The following PARPBP variants were observed in gnomAD, a reference collection of about 807,000 sequenced individuals.
The protein encoded by PARPBP is PCNA-interacting partner.
In PARPBP, 52 loss-of-function variants were observed where a neutral mutation model predicts 50.0. That is an observed-to-expected ratio of 1.04 (90% confidence interval 0.83 to 1.31). The LOEUF (loss-of-function observed/expected upper bound fraction) is 1.31, where lower values mean the gene tolerates loss of function less well. Among genes scored for constraint, PARPBP ranks in the 50% most tolerant of loss-of-function variants. The pLI, the probability that PARPBP is intolerant of heterozygous loss-of-function variation, is 0.00. For missense variants in PARPBP, 697 were observed against 672.0 expected, an observed-to-expected ratio of 1.04 and a Z score of -0.41; for synonymous variants, 244 against 232.1, an observed-to-expected ratio of 1.05 and a Z score of -0.47.
At chr12:102,135,032 A>T (rs938129825) in intron 2 of PARPBP, among the ~76,000 whole-genome samples, 1 of 152,034 alleles carries the variant, frequency 6.6e-6, no homozygotes, top group African/African-American at 2.4e-5. Flanking sequence ...TTTGTTATAA[A>T]TTTTGTTGGT....
At chr12:102,154,377 G>T (rs1486446523) in intron 4 of PARPBP, among the ~76,000 whole-genome samples, 1 of 152,136 alleles carries the variant, frequency 6.6e-6, no homozygotes, top group Non-Finnish European at 1.5e-5. Context: ...CAGGAGTTTG[G>T]ATGATAGGGT....
intron 2 of PARPBP, among the ~76,000 whole-genome samples, chr12:102,125,335 AAAAC>A (rs2038865789): frequency 6.6e-6 from 1 of 152,232 alleles, no homozygotes; most frequent in South Asian, 2.1e-4. Context: ...AAACATACAG[AAAAC>A]AATAAAACAT....
In PARPBP at chr12:102,194,193, CATATA is replaced by C. The variant is rs1232705585; in HGVS notation, c.1264-1113_1264-1109del. Among the ~76,000 whole-genome samples the C allele has an allele frequency of 1.6e-4, 24 of 152,050 alleles. No homozygotes were observed. The East Asian group carries it at 4.4e-3, about 28-fold the overall frequency. On this transcript the variant is annotated intron_variant, in intron 9 of 10. Transcript: ENST00000327680. ...GTGAATTAATGCATCGATCTTTGAA[CATATA>C]ATATATAACTACTGAATATATAAAG...
At chr12:102,180,003 C>A (rs1200571828) in intron 8 of PARPBP, among the ~76,000 whole-genome samples, 1 of 152,138 alleles carries the variant, frequency 6.6e-6, no homozygotes, top group Non-Finnish European at 1.5e-5. Flanking sequence ...AGTATCCTTT[C>A]TCTTCTCTTT....
intron 1 of PARPBP, 167 bp downstream of exon 1, chr12:102,120,453 G>T (rs1471511014): frequency 2.2e-6 from 1 of 456,614 alleles, no homozygotes; most frequent in Admixed American, 2.3e-5. Context: ...TGGGCCTGGG[G>T]GCTGTAGGCG....
chr12:102,128,316 C>T (rs1196293848), intron 2 of PARPBP, among the ~76,000 whole-genome samples: 1 of 152,156 alleles, frequency 6.6e-6, no homozygotes, highest in Non-Finnish European at 1.5e-5. Flanking sequence ...ACTGCAAGCT[C>T]CCCCTCCCGG....
chr12:102,153,858 G>GT lies in PARPBP; in HGVS notation c.388-7dup. 1 of 1,460,094 alleles carries GT rather than the reference G, an allele frequency of 6.8e-7. No homozygotes were observed. The highest frequency in any genetic ancestry group is 9.6e-7 in the Non-Finnish European group (1 of 1,039,906). 90.4% of individuals were successfully genotyped at this position (1,460,094 alleles called of 1,614,324 possible). A position where few individuals can be genotyped will look rare whatever the true frequency, so the allele number is the denominator to read the frequency against. ...TAGCATTTTATTAGTAATACTCTAT[G>GT]TTTTCTACAGAGTCAACTACTGGAT... On this transcript the variant is annotated splice_polypyrimidine_tract_variant and intron_variant, in intron 3 of 10. Transcript: ENST00000327680.
chr12:102,196,094 T>C lies in PARPBP; in HGVS notation c.1543T>C (p.Leu515=). ...NKSSKRKQVD[L]DGENILCDNR... is the part of the protein sequence containing the mutation. ...AAGCTCAAAAAGGAAACAGGTGGAT[T>C]TGGATGGTGAAAATATTCTCTGTGA... The change falls in exon 11 of 11, where the codon TTG becomes CTG. Residue 515 remains leucine, a synonymous_variant. Coordinates refer to ENST00000327680, the MANE Select transcript of PARPBP (RefSeq NM_017915.5). 6.2e-7 allele frequency: 1 copy of C among 1,612,082 alleles called. No homozygotes were observed.
intron 2 of PARPBP, among the ~76,000 whole-genome samples, chr12:102,139,921 C>A (rs1193609051): frequency 1.3e-5 from 2 of 152,330 alleles, no homozygotes; most frequent in Admixed American, 6.5e-5. Flanking sequence ...GGATGTTCAT[C>A]AGGGATATTG....
chr12:102,156,143 T>G (rs182434889), intron 4 of PARPBP, among the ~76,000 whole-genome samples: 1 of 148,916 alleles, frequency 6.7e-6, no homozygotes, highest in African/African-American at 2.5e-5. Context: ...GATAACACCA[T>G]GATCACTCAT....
At chr12:102,154,871 A>T (rs982440673) in intron 4 of PARPBP, 1 of 452,354 alleles carries the variant, frequency 2.2e-6, no homozygotes, top group Non-Finnish European at 4.4e-6. Context: ...AGCACCTTTT[A>T]ATAGGAAGCA....
chr12:102,175,547 G>C lies in PARPBP; in HGVS notation c.886G>C (p.Asp296His). The C allele has an allele frequency of 6.2e-7, 1 of 1,613,318 alleles. No individual in the cohort carries two copies. The highest frequency in any genetic ancestry group is 8.5e-7 in the Non-Finnish European group (1 of 1,179,342). Reference sequence around the variant, plus strand: ...ACTGATTAAAGGCCAAAACAGCAGGGATCCTTTTTGCAAAGCAATAGAGGA... The same window carrying C: ...ACTGATTAAAGGCCAAAACAGCAGGCATCCTTTTTGCAAAGCAATAGAGGA... ...MQLIKGQNSRDPFCKAIEEVA... is the reference protein window; with the variant it reads ...MQLIKGQNSRHPFCKAIEEVA... Residue 296 changes from aspartate to histidine, a missense_variant, in exon 7 of 11, where the codon GAT (aspartate) becomes CAT (histidine). Coordinates refer to ENST00000327680, the MANE Select transcript of PARPBP (RefSeq NM_017915.5).
At chr12:102,129,296 A>AT (rs900833770) in intron 2 of PARPBP, among the ~76,000 whole-genome samples, 114 of 145,558 alleles carry the variant, frequency 7.8e-4, no homozygotes, top group Non-Finnish European at 8.5e-4. Context: ...TCTTTTGCCC[A>AT]TTTTTTTTTT....
At chr12:102,148,627 A>G in intron 3 of PARPBP, 164 bp downstream of exon 3, 1 of 453,950 alleles carries the variant, frequency 2.2e-6, no homozygotes. Context: ...ATTACTTGAA[A>G]GAAAGATTTT....
intron 2 of PARPBP, among the ~76,000 whole-genome samples, chr12:102,138,276 T>C (rs924364579): frequency 6.6e-6 from 1 of 152,236 alleles, no homozygotes; most frequent in South Asian, 2.1e-4. Flanking sequence ...CATTTTTTCT[T>C]GTGTCTTTTG....
At chr12:102,141,874 TC>T (rs763416092) in intron 2 of PARPBP, among the ~76,000 whole-genome samples, 9 of 152,234 alleles carry the variant, frequency 5.9e-5, no homozygotes, top group Non-Finnish European at 1.0e-4. Context: ...CTGATGGGCT[TC>T]CCTTTGTGAG....
chr12:102,171,967 T>A (rs1888799613), intron 6 of PARPBP, among the ~76,000 whole-genome samples: 1 of 152,242 alleles, frequency 6.6e-6, no homozygotes, highest in East Asian at 1.9e-4. Flanking sequence ...AACAAATAGT[T>A]ATCAAATTCT....
intron 2 of PARPBP, among the ~76,000 whole-genome samples, chr12:102,134,118 A>G (rs1230986086): frequency 6.6e-6 from 1 of 151,814 alleles, no homozygotes; most frequent in East Asian, 1.9e-4. Flanking sequence ...GAGAGCAGAA[A>G]TAAATGAAAT....
intron 4 of PARPBP, among the ~76,000 whole-genome samples, chr12:102,163,188 T>C (rs1887781014): frequency 6.6e-6 from 1 of 152,278 alleles, no homozygotes; most frequent in Non-Finnish European, 1.5e-5. Context: ...TTCTGCACGC[T>C]ATTCTGTTCC....
Sources: allele counts gnomAD v4.1 joint callset (sites outside exome capture counted in the v4.1 genomes callset), GRCh38; gene constraint gnomAD v4.1.1; transcripts MANE v1.5; gene names NCBI Gene and HGNC (gene_info 2026-07-23, HGNC 2026-07-21).